CNGB3: variants seen among roughly 807,000 people sequenced by gnomAD.
CNGB3 encodes cyclic nucleotide-gated channel beta-3.
CNGB3 carries 86 observed loss-of-function variants against 92.8 expected under a neutral mutation model. That is an observed-to-expected ratio of 0.93 (90% CI 0.78 to 1.11). The LOEUF (loss-of-function observed/expected upper bound fraction) is 1.11. Ranked by LOEUF, CNGB3 falls within the 50% of genes least tolerant of loss-of-function variation. The pLI is 0.00. For synonymous variants in CNGB3, 333 were observed against 332.7 expected (o/e 1.00, Z -0.01); for missense variants, 1,026 against 956.8 (o/e 1.07, Z -0.95).
At chr8:86,677,797 TA>T (rs1824004177) in intron 3 of CNGB3, among the ~76,000 whole-genome samples, 1 of 152,152 alleles carries the variant, frequency 6.6e-6, no homozygotes, top group Non-Finnish European at 1.5e-5. Context: ...GAACATTGGT[TA>T]GGGAGATATG....
chr8:86,600,122 G>A (rs921172841), intron 15 of CNGB3, among the ~76,000 whole-genome samples: 10 of 152,250 alleles, frequency 6.6e-5, no homozygotes, highest in South Asian at 4.2e-4. Context: ...ATGAAATATC[G>A]GGGGTGGATT....
intron 2 of CNGB3, among the ~76,000 whole-genome samples, chr8:86,739,390 C>T (rs1381379007): frequency 1.3e-5 from 2 of 152,182 alleles, no homozygotes; most frequent in Non-Finnish European, 2.9e-5. Context: ...TCAGACTCTG[C>T]CCATGTTGCT....
rs1317519020 is a variant in CNGB3, at chr8:86,574,281, T to C, written c.*1523A>G. ...GGACTTTTGTCCTTTTCTTTTCCTATTATCAGATGCTTCAGCCCTATTCTA... is the reference window on the plus strand; with the variant it reads ...GGACTTTTGTCCTTTTCTTTTCCTACTATCAGATGCTTCAGCCCTATTCTA... On this transcript the variant is annotated 3_prime_UTR_variant, in exon 18 of 18. Coordinates refer to ENST00000320005, the MANE Select transcript of CNGB3 (RefSeq NM_019098.5). The C allele has an allele frequency of 3.3e-5, 5 of 152,224 alleles. No individual in the cohort carries two copies. Among genetic ancestry groups the C allele is most frequent in the Non-Finnish European group, 7.3e-5 (5 of 68,040 alleles). 9.4% of individuals were successfully genotyped at this position (152,224 alleles called of 1,614,324 possible). A position where few individuals can be genotyped will look rare whatever the true frequency, so the allele number is the denominator to read the frequency against.
chr8:86,666,852 A>T (rs1823748696), intron 6 of CNGB3, 73 bp downstream of exon 6: 1 of 1,182,350 alleles, frequency 8.5e-7, no homozygotes, highest in Non-Finnish European at 1.3e-6. Context: ...AAATAAAACA[A>T]TGCTGTTACT....
At chr8:86,605,265 G>A (rs769437640) in intron 14 of CNGB3, among the ~76,000 whole-genome samples, 27 of 152,134 alleles carry the variant, frequency 1.8e-4, no homozygotes, top group Non-Finnish European at 3.4e-4. Flanking sequence ...CTAGTGGGTG[G>A]TTATGAGGCC....
At chr8:86,576,762 T>A (rs1156848776) in intron 17 of CNGB3, among the ~76,000 whole-genome samples, 1 of 152,228 alleles carries the variant, frequency 6.6e-6, no homozygotes, top group Non-Finnish European at 1.5e-5. Flanking sequence ...GACATATGAA[T>A]GTGCACAGAT....
chr8:86,715,510 A>T (rs1008086822), intron 3 of CNGB3, among the ~76,000 whole-genome samples: 1 of 151,994 alleles, frequency 6.6e-6, no homozygotes, highest in African/African-American at 2.4e-5. Flanking sequence ...TCACCACATC[A>T]TGGGAGCACC....
chr8:86,644,953 A>T (rs946824684), intron 8 of CNGB3, among the ~76,000 whole-genome samples: 2 of 151,172 alleles, frequency 1.3e-5, no homozygotes, highest in Non-Finnish European at 3.0e-5. Context: ...ATGAAACTTA[A>T]AAAACATTGT....
At chr8:86,611,818 A>T in intron 13 of CNGB3, 147 bp from the exon 14 acceptor site, 1 of 664,772 alleles carries the variant, frequency 1.5e-6, no homozygotes, top group Non-Finnish European at 2.6e-6. Context: ...ACATGTCATG[A>T]CTCAAAATTT....
intron 15 of CNGB3, chr8:86,594,384 A>C (rs796130738): frequency 1.3e-5 from 4 of 301,860 alleles, no homozygotes; most frequent in Non-Finnish European, 2.6e-5. Context: ...ATTTTCTTGT[A>C]GGAAAAGTCC....
chr8:86,578,545 G>T, intron 17 of CNGB3, 144 bp downstream of exon 17: 2 of 800,138 alleles, frequency 2.5e-6, no homozygotes, highest in Admixed American at 1.9e-5. Context: ...ATAATAATGT[G>T]CTATATATAA....
intron 3 of CNGB3, among the ~76,000 whole-genome samples, chr8:86,679,506 TTTTC>T (rs765972049): frequency 4.7e-5 from 7 of 147,958 alleles, no homozygotes; most frequent in East Asian, 2.1e-4. Flanking sequence ...TTGGTGTCCT[TTTTC>T]TTTCTTTCTT....
chr8:86,690,182 G>A (rs1315070271), intron 3 of CNGB3, among the ~76,000 whole-genome samples: 5 of 152,200 alleles, frequency 3.3e-5, no homozygotes, highest in Admixed American at 2.0e-4. Context: ...CCCACCAACA[G>A]TGTGAAAGTG....
At chr8:86,659,668 A>C in intron 6 of CNGB3, 1 of 449,620 alleles carries the variant, frequency 2.2e-6, no homozygotes, top group Non-Finnish European at 4.4e-6. Flanking sequence ...CTCTCCTTCA[A>C]ACTGCCTGGC....
chr8:86,603,920 C>T (rs561458340), intron 15 of CNGB3, among the ~76,000 whole-genome samples, 173 bp downstream of exon 15: 163 of 152,330 alleles, frequency 1.1e-3, no homozygotes, highest in African/African-American at 3.4e-3. Flanking sequence ...AGTTCTTTTC[C>T]TTAGGTCGCT....
intron 2 of CNGB3, 28 bp downstream of exon 2, chr8:86,739,627 T>G (rs367900910): frequency 2.9e-5 from 47 of 1,597,122 alleles, no homozygotes; most frequent in African/African-American, 4.0e-5. Flanking sequence ...TTAGTTTTTT[T>G]TTTTTTTTTT....
chr8:86,653,330 T>TA (rs538456991), intron 7 of CNGB3, among the ~76,000 whole-genome samples: 11 of 147,346 alleles, frequency 7.5e-5, no homozygotes, highest in East Asian at 2.0e-4. Flanking sequence ...AGTCGGAGAT[T>TA]AAAAAAAAAA....
At chr8:86,580,194 G>GC (rs1821736191) in intron 15 of CNGB3, among the ~76,000 whole-genome samples, 1 of 150,712 alleles carries the variant, frequency 6.6e-6, no homozygotes, top group South Asian at 2.1e-4. Context: ...ATAGCACGGG[G>GC]GGGGTGGCGG....
chr8:86,736,772 A>AT (rs1285004261), intron 2 of CNGB3, among the ~76,000 whole-genome samples: 1 of 152,012 alleles, frequency 6.6e-6, no homozygotes, highest in Non-Finnish European at 1.5e-5. Context: ...GCAAGACCAC[A>AT]TTTTTTACAA....
Sources: allele counts gnomAD v4.1 joint callset (sites outside exome capture counted in the v4.1 genomes callset), GRCh38; gene constraint gnomAD v4.1.1; transcripts MANE v1.5; gene names NCBI Gene and HGNC (gene_info 2026-07-23, HGNC 2026-07-21).